Variants in SEMA3E observed in about 807,000 individuals in gnomAD.
SEMA3E encodes semaphorin-3E.
Under a neutral mutation model 93.6 loss-of-function variants are expected in SEMA3E, and 49 were observed. The ratio of observed to expected loss-of-function variants is 0.52; its 90% CI spans 0.42 to 0.66. The LOEUF is 0.66. Among genes scored for constraint, SEMA3E ranks in the 30% least tolerant of loss-of-function variants. The pLI, the probability that SEMA3E is intolerant of heterozygous loss-of-function variation, is 0.00. For synonymous variants in SEMA3E, 363 were observed against 330.7 expected (o/e 1.10, Z -1.06); for missense variants, 906 against 964.8 (o/e 0.94, Z 0.81).
chr7:83,612,092 T>C (rs1793277927), intron 1 of SEMA3E, among the ~76,000 whole-genome samples: 1 of 152,122 alleles, frequency 6.6e-6, no homozygotes, highest in African/African-American at 2.4e-5. Flanking sequence ...ATTCCTGTAA[T>C]TCTCTACTCA....
At chr7:83,457,470 G>A in intron 4 of SEMA3E, among the ~76,000 whole-genome samples, 1 of 152,112 alleles carries the variant, frequency 6.6e-6, no homozygotes. Flanking sequence ...TTCCCAATCA[G>A]CAAGAAATAA....
chr7:83,646,070 C>T (rs1174837111), intron 1 of SEMA3E, among the ~76,000 whole-genome samples: 2 of 151,898 alleles, frequency 1.3e-5, no homozygotes, highest in Non-Finnish European at 2.9e-5. Context: ...TAGGCTATCT[C>T]CAGGGAGCCT....
At chr7:83,605,846 G>A (rs542035297) in intron 1 of SEMA3E, among the ~76,000 whole-genome samples, 2 of 152,098 alleles carry the variant, frequency 1.3e-5, no homozygotes, top group Admixed American at 1.3e-4. Context: ...CTGGATATTA[G>A]ACCTTTCTCA....
At position 83,430,609 on chromosome 7, in the gene SEMA3E, G is replaced by A. The variant is rs185067279; in HGVS notation, c.457-12126C>T. Among the ~76,000 whole-genome samples the A allele has an allele frequency of 4.1e-3, 627 of 152,136 alleles. 4 individuals carry two copies. Among genetic ancestry groups the A allele is most frequent in the Non-Finnish European group, 4.8e-3 (326 of 67,996 alleles). On this transcript the variant is annotated intron_variant, in intron 4 of 16. Transcript: ENST00000643230. ...AACCAAACACCACATGTTCTCACTC[G>A]TAAGTGGGAGTTGAACAATGAGAAC... is the stretch of plus-strand genomic sequence containing the variant.
intron 1 of SEMA3E, among the ~76,000 whole-genome samples, chr7:83,589,005 G>T (rs1438101614): frequency 6.6e-6 from 1 of 152,058 alleles, no homozygotes; most frequent in Non-Finnish European, 1.5e-5. Flanking sequence ...CATCTGGACT[G>T]CTCACTAAGC....
At chr7:83,483,868 T>C (rs1040555552) in intron 2 of SEMA3E, among the ~76,000 whole-genome samples, 6 of 152,122 alleles carry the variant, frequency 3.9e-5, no homozygotes, top group African/African-American at 1.4e-4. Context: ...CCTGAAGAGA[T>C]CATCAGGACT....
intron 1 of SEMA3E, among the ~76,000 whole-genome samples, chr7:83,555,723 G>T (rs1791873260): frequency 6.6e-6 from 1 of 152,158 alleles, no homozygotes; most frequent in Non-Finnish European, 1.5e-5. Flanking sequence ...GCATCTTCAT[G>T]ATGCCTTCTA....
intron 16 of SEMA3E, among the ~76,000 whole-genome samples, chr7:83,384,453 C>T (rs941602485): frequency 6.6e-6 from 1 of 151,032 alleles, no homozygotes; most frequent in Non-Finnish European, 1.5e-5. Flanking sequence ...TTTCAATATT[C>T]ATCATTTAAT....
At chr7:83,644,319 A>G (rs924243187) in intron 1 of SEMA3E, among the ~76,000 whole-genome samples, 2 of 151,944 alleles carry the variant, frequency 1.3e-5, no homozygotes, top group Admixed American at 6.6e-5. Flanking sequence ...AGTGCAATCT[A>G]TCAAGATAAA....
intron 4 of SEMA3E, among the ~76,000 whole-genome samples, chr7:83,451,242 T>C (rs893551477): frequency 6.6e-6 from 1 of 152,140 alleles, no homozygotes; most frequent in African/African-American, 2.4e-5. Context: ...AATTACCCAG[T>C]TTCAGGCAGT....
intron 2 of SEMA3E, among the ~76,000 whole-genome samples, chr7:83,470,722 T>C (rs1789872835): frequency 6.6e-6 from 1 of 152,152 alleles, no homozygotes; most frequent in Admixed American, 6.5e-5. Context: ...ATGTAAATAG[T>C]ATTGAAGTTA....
chr7:83,461,629 A>G (rs1789619106), intron 4 of SEMA3E, among the ~76,000 whole-genome samples: 1 of 152,120 alleles, frequency 6.6e-6, no homozygotes, highest in Non-Finnish European at 1.5e-5. Context: ...TTTGGCAGCA[A>G]CCCTGAGACA....
intron 1 of SEMA3E, among the ~76,000 whole-genome samples, chr7:83,571,458 G>A (rs1792284700): frequency 6.6e-6 from 1 of 152,132 alleles, no homozygotes; most frequent in African/African-American, 2.4e-5. Flanking sequence ...CCCAAACAGA[G>A]TTGGTAACAA....
At chr7:83,532,578 A>C (rs1042974482) in intron 1 of SEMA3E, among the ~76,000 whole-genome samples, 6 of 152,154 alleles carry the variant, frequency 3.9e-5, no homozygotes, top group Admixed American at 3.9e-4. Flanking sequence ...TTGCCCTGGT[A>C]AAAACACTCC....
chr7:83,504,191 C>T (rs990029222), intron 1 of SEMA3E, among the ~76,000 whole-genome samples: 4 of 152,142 alleles, frequency 2.6e-5, no homozygotes, highest in African/African-American at 9.7e-5. Flanking sequence ...TTATCAATAT[C>T]ACATTTTTCT....
intron 1 of SEMA3E, among the ~76,000 whole-genome samples, chr7:83,587,449 A>T (rs1200099221): frequency 6.6e-6 from 1 of 152,200 alleles, no homozygotes; most frequent in African/African-American, 2.4e-5. Context: ...AGTTACGTGG[A>T]TGAAAGTCTT....
chr7:83,630,540 T>C (rs1305846798), intron 1 of SEMA3E, among the ~76,000 whole-genome samples: 1 of 152,162 alleles, frequency 6.6e-6, no homozygotes, highest in African/African-American at 2.4e-5. Context: ...AGATTTATGG[T>C]AGAGCAGTGA....
At chr7:83,541,569 C>T (rs1344320207) in intron 1 of SEMA3E, among the ~76,000 whole-genome samples, 1 of 152,070 alleles carries the variant, frequency 6.6e-6, no homozygotes, top group Non-Finnish European at 1.5e-5. Flanking sequence ...GAGAACCATC[C>T]TCAAAGGCCA....
intron 1 of SEMA3E, among the ~76,000 whole-genome samples, chr7:83,611,094 C>A (rs1793243068): frequency 6.6e-6 from 1 of 151,090 alleles, no homozygotes; most frequent in African/African-American, 2.4e-5. Context: ...TCCTAACTAC[C>A]TGTGTCAGCT....
Sources: allele counts gnomAD v4.1 joint callset (sites outside exome capture counted in the v4.1 genomes callset), GRCh38; gene constraint gnomAD v4.1.1; transcripts MANE v1.5; gene names NCBI Gene and HGNC (gene_info 2026-07-23, HGNC 2026-07-21).